Variants in PCDH9 observed in about 807,000 individuals in gnomAD.
PCDH9 encodes the protein protocadherin 9.
Under a neutral mutation model 70.6 loss-of-function variants are expected in PCDH9, and 24 were observed. The observed-to-expected ratio is 0.34, with a 90% confidence interval of 0.25 to 0.48. The LOEUF (loss-of-function observed/expected upper bound fraction) is 0.48. Ranked by LOEUF, PCDH9 falls within the 20% of genes least tolerant of loss-of-function variation. The pLI, the probability that PCDH9 is intolerant of heterozygous loss-of-function variation, is 0.99. For missense variants in PCDH9, 1,281 were observed against 1,503.6 expected (o/e 0.85, Z 2.45); for synonymous variants, 562 against 558.5 (o/e 1.01, Z -0.09).
chr13:67,122,772 CAAT>C (rs56039213), intron 2 of PCDH9, among the ~76,000 whole-genome samples: 21,079 of 142,918 alleles, frequency 0.15, 1,611 homozygotes, highest in South Asian at 0.18. Flanking sequence ...GACTCTGTCT[CAAT>C]AATAATAATA....
intron 3 of PCDH9, among the ~76,000 whole-genome samples, chr13:66,757,757 G>C (rs2079559027): frequency 6.6e-6 from 1 of 152,034 alleles, no homozygotes; most frequent in Non-Finnish European, 1.5e-5. Flanking sequence ...GCATGAGATA[G>C]CATTAATCAT....
intron 4 of PCDH9, among the ~76,000 whole-genome samples, chr13:66,332,678 T>C (rs890039820): frequency 6.6e-6 from 1 of 151,922 alleles, no homozygotes; most frequent in Non-Finnish European, 1.5e-5. Context: ...CACAGAAAGC[T>C]TCCTAGGAGA....
chr13:67,168,659 T>C (rs2088191710), intron 2 of PCDH9, among the ~76,000 whole-genome samples: 2 of 151,940 alleles, frequency 1.3e-5, no homozygotes, highest in African/African-American at 4.8e-5. Flanking sequence ...TGAGTGCAAA[T>C]AGTTGATGCT....
chr13:66,434,682 C>A (rs1046814052), intron 4 of PCDH9, among the ~76,000 whole-genome samples: 1 of 151,934 alleles, frequency 6.6e-6, no homozygotes, highest in Admixed American at 6.6e-5. Context: ...TTGTAAGCAG[C>A]ACACATATAA....
intron 2 of PCDH9, among the ~76,000 whole-genome samples, chr13:67,171,831 T>G (rs1381239884): frequency 2.0e-5 from 3 of 152,192 alleles, no homozygotes; most frequent in African/African-American, 7.2e-5. Flanking sequence ...AAATGACCTA[T>G]GCAAAGTTCC....
chr13:66,512,648 A>C (rs1232762994), intron 4 of PCDH9, among the ~76,000 whole-genome samples: 2 of 150,374 alleles, frequency 1.3e-5, no homozygotes, highest in African/African-American at 5.0e-5. Context: ...AAACACACAC[A>C]CAGACACAAA....
chr13:66,492,424 T>C (rs990924407), intron 4 of PCDH9, among the ~76,000 whole-genome samples: 2 of 148,632 alleles, frequency 1.3e-5, no homozygotes, highest in Non-Finnish European at 3.0e-5. Context: ...ATATGTAACC[T>C]AGTTAATGTT....
At chr13:66,996,457 G>A (rs1433699463) in intron 2 of PCDH9, among the ~76,000 whole-genome samples, 1 of 152,082 alleles carries the variant, frequency 6.6e-6, no homozygotes, top group Non-Finnish European at 1.5e-5. Context: ...GCCTCACAGA[G>A]AAAGAGATAT....
chr13:66,515,441 C>T (rs781781834), intron 4 of PCDH9, among the ~76,000 whole-genome samples: 26 of 151,546 alleles, frequency 1.7e-4, no homozygotes, highest in Admixed American at 9.2e-4. Flanking sequence ...AAAAGTTCCA[C>T]GGATAAAAAC....
At chr13:66,477,316 T>C (rs184950340) in intron 4 of PCDH9, among the ~76,000 whole-genome samples, 125 of 152,310 alleles carry the variant, frequency 8.2e-4, no homozygotes, top group Non-Finnish European at 1.5e-3. Context: ...TAATAATATC[T>C]AATTAATACG....
chr13:67,013,798 G>A (rs1159200597), intron 2 of PCDH9, among the ~76,000 whole-genome samples: 1 of 151,764 alleles, frequency 6.6e-6, no homozygotes, highest in African/African-American at 2.4e-5. Flanking sequence ...AGAAAAACAG[G>A]TTTAACATAA....
rs184890986 is a variant in PCDH9, at chr13:66,616,005, G to T, written c.3340+15205C>A. 1.8e-3 allele frequency among the ~76,000 whole-genome samples: 273 copies of T among 152,318 alleles called. 1 individual carries two copies. Among genetic ancestry groups the T allele is most frequent in the Non-Finnish European group, 2.5e-3 (171 of 68,038 alleles). ...ATTTTACCAAGGCTTTGACTGGAAG[G>T]CTATTCTGCCCTTTAAAGATTTGAG... On this transcript the variant is annotated intron_variant, in intron 4 of 4. Transcript: ENST00000377865.
chr13:66,999,837 G>T (rs1046935711), intron 2 of PCDH9, among the ~76,000 whole-genome samples: 3 of 152,110 alleles, frequency 2.0e-5, no homozygotes, highest in Non-Finnish European at 2.9e-5. Context: ...GAAACAACAG[G>T]TGCTGGAGAG....
At chr13:67,169,963 C>A (rs929831780) in intron 2 of PCDH9, among the ~76,000 whole-genome samples, 3 of 152,166 alleles carry the variant, frequency 2.0e-5, no homozygotes, top group Non-Finnish European at 1.5e-5. Context: ...AGGTACGTCT[C>A]TATATGGTTG....
At chr13:66,755,527 C>T (rs1160012254) in intron 3 of PCDH9, among the ~76,000 whole-genome samples, 1 of 152,148 alleles carries the variant, frequency 6.6e-6, no homozygotes, top group Non-Finnish European at 1.5e-5. Context: ...ACTAAGCTCT[C>T]TCTCCCCACC....
intron 4 of PCDH9, among the ~76,000 whole-genome samples, chr13:66,395,048 C>A (rs2138278382): frequency 6.6e-6 from 1 of 152,246 alleles, no homozygotes; most frequent in East Asian, 1.9e-4. Context: ...ATACAATGTT[C>A]TTTTTTGCTT....
intron 3 of PCDH9, among the ~76,000 whole-genome samples, chr13:66,791,951 T>C (rs1404277783): frequency 1.3e-5 from 2 of 152,154 alleles, no homozygotes; most frequent in African/African-American, 4.8e-5. Flanking sequence ...CAATACATAG[T>C]TATTCCAAGA....
chr13:67,196,248 G>A (rs1303008290), intron 2 of PCDH9, among the ~76,000 whole-genome samples: 1 of 152,092 alleles, frequency 6.6e-6, no homozygotes, highest in Non-Finnish European at 1.5e-5. Flanking sequence ...CAAGTACCAG[G>A]TATAGTAGCG....
At chr13:66,748,383 T>C (rs2079405644) in intron 3 of PCDH9, among the ~76,000 whole-genome samples, 1 of 152,198 alleles carries the variant, frequency 6.6e-6, no homozygotes, top group Non-Finnish European at 1.5e-5. Context: ...GAGTGTACAG[T>C]AGTTAAACCA....
Sources: gnomAD v4.1 joint callset for allele counts (sites outside exome capture counted in the v4.1 genomes callset) on GRCh38, gnomAD v4.1.1 for gene constraint, MANE v1.5 for transcripts, NCBI Gene and HGNC (gene_info 2026-07-23, HGNC 2026-07-21) for gene names.